ZNF408: variants seen among roughly 807,000 people sequenced by gnomAD.
ZNF408 encodes the protein zinc finger protein 408, also known as PR domain zinc finger protein 17.
Under a neutral mutation model 27.6 loss-of-function variants are expected in ZNF408, and 24 were observed. That is an observed-to-expected ratio of 0.87 (90% CI 0.63 to 1.22). ZNF408 has a LOEUF of 1.22. Among genes scored for constraint, ZNF408 ranks in the 50% most tolerant of loss-of-function variants. ZNF408 has a pLI of 0.00. For missense variants in ZNF408, 897 were observed against 949.0 expected (o/e 0.95, Z 0.72); for synonymous variants, 410 against 396.1 (o/e 1.04, Z -0.42).
chr11:46,703,763 TGTTG>T lies in ZNF408; in HGVS notation c.652+521_652+524del, dbSNP rs780692327. Reference sequence around the variant, plus strand: ...TTTGTTTTGTTGTTGTTGTTGTTGTTGTTGTTGTTTTTTTTTTTTTTTGAGATGG... The same window carrying T: ...TTTGTTTTGTTGTTGTTGTTGTTGTTTTGTTTTTTTTTTTTTTTGAGATGG... On this transcript the variant is annotated intron_variant, in intron 4 of 4. Transcript: ENST00000311764. 2.6e-3 allele frequency among the ~76,000 whole-genome samples: 227 copies of T among 85,692 alleles called. 6 individuals are homozygous for T. The highest frequency in any genetic ancestry group is 6.4e-3 in the East Asian group (15 of 2,328). The allele number at this position is 85,692 out of a possible 152,430, so 56.2% of individuals were successfully genotyped here.
At chr11:46,703,764 G>GTTTTTTTT (rs1276758688) in intron 4 of ZNF408, among the ~76,000 whole-genome samples, 3 of 75,486 alleles carry the variant, frequency 4.0e-5, no homozygotes, top group African/African-American at 1.0e-4. Flanking sequence ...TGTTGTTGTT[G>GTTTTTTTT]TTGTTGTTTT....
In ZNF408 at chr11:46,705,235, G is replaced by A. The variant is rs375760341; in HGVS notation, c.1535G>A (p.Arg512His). Residue 512 changes from arginine (R) to histidine (H), a missense_variant, in exon 5 of 5, where the codon CGT becomes CAT. Transcript: ENST00000311764. This position sits in a 1 kb window ranked among gnomAD's most constrained non-coding sequence, Gnocchi z 6.5. ...GRAFRQRGNL[R>H]GHLRLHTGER... ...GCGTTTCGTCAGCGGGGCAACCTGC[G>A]TGGGCATTTGCGGCTCCACACCGGG... 27 of 1,611,930 alleles carry A rather than the reference G, an allele frequency of 1.7e-5. No homozygotes were observed. The highest frequency in any genetic ancestry group is 1.6e-4 in the Middle Eastern group (1 of 6,084).
At chr11:46,701,843 T>C in intron 2 of ZNF408, 167 bp downstream of exon 2, 4 of 921,992 alleles carry the variant, frequency 4.3e-6, no homozygotes, top group South Asian at 4.9e-5. Context: ...AGTTAAAGAA[T>C]CGAGGTTTGA....
chr11:46,702,732 T>C lies in ZNF408; in HGVS notation c.359T>C (p.Val120Ala). Residue 120 changes from valine to alanine, a missense_variant, in exon 3 of 5, where the codon GTG (valine) becomes GCG (alanine). Coordinates refer to ENST00000311764, the MANE Select transcript of ZNF408 (RefSeq NM_024741.3). ...CTGTCATTAGGCCCATGGGGAGACG[T>C]GTGTGCCTGTGAGCAGAGTTCTGGC... is the stretch of plus-strand genomic sequence containing the variant. ...ENLSLGPWGD[V>A]CACEQSSGWT... is the part of the protein sequence containing the mutation. 1 of 1,614,148 alleles carries C rather than the reference T, an allele frequency of 6.2e-7. No individual in the cohort carries two copies.
rs779973655 is a variant in ZNF408, at chr11:46,705,166, T to A, written c.1466T>A (p.Leu489His). Residue 489 changes from leucine to histidine, a missense_variant, in exon 5 of 5, where the codon CTC becomes CAC. Transcript: ENST00000311764. The surrounding 1 kb of genome is among the most constrained non-coding windows in gnomAD (Gnocchi z 6.5). ...GGCTCCCTGCGGAACCATATGAGGCTCCATACAGGAGAAAAGCCTTTCCTG... is the reference window on the plus strand; with the variant it reads ...GGCTCCCTGCGGAACCATATGAGGCACCATACAGGAGAAAAGCCTTTCCTG... ...NQGSLRNHMRLHTGEKPFLCP... is the reference protein window; with the variant it reads ...NQGSLRNHMRHHTGEKPFLCP... 1 of 1,611,394 alleles carries A rather than the reference T, an allele frequency of 6.2e-7. No homozygotes were observed. Among genetic ancestry groups the A allele is most frequent in the South Asian group, 1.1e-5 (1 of 91,082 alleles).
chr11:46,702,875 C>T (rs2064719980), intron 3 of ZNF408, 109 bp from the exon 4 acceptor site: 17 of 1,595,006 alleles, frequency 1.1e-5, no homozygotes, highest in Non-Finnish European at 9.4e-6. Flanking sequence ...AGTGAATGTT[C>T]CAAAGGCACG....
In ZNF408 at chr11:46,701,634, C is replaced by G. The variant is rs1421731803; in HGVS notation, c.288C>G (p.Ala96=). The change falls in exon 2 of 5, where the codon GCC becomes GCG. Residue 96 remains alanine, a synonymous_variant. Transcript: ENST00000311764. ...GGGGGCCGCTGGAAGAGGAGTCTGC[C>G]TCCAAGGAGAAGGGCGAGGGAGTAA... ...LLWGPLEEES[A]SKEKGEGVKP... is the part of the protein sequence containing the mutation. 1 of 1,605,390 alleles carries G rather than the reference C, an allele frequency of 6.2e-7. No homozygotes were observed. Among genetic ancestry groups the G allele is most frequent in the East Asian group, 2.2e-5 (1 of 44,608 alleles).
At position 46,704,498 on chromosome 11, in the gene ZNF408, G is replaced by C; in HGVS notation, c.798G>C (p.Pro266=). 3 of 1,614,070 alleles carry C rather than the reference G, an allele frequency of 1.9e-6. No homozygotes were observed. Among genetic ancestry groups the C allele is most frequent in the Non-Finnish European group, 1.7e-6 (2 of 1,180,030 alleles). Residue 266 remains proline, a synonymous_variant, in exon 5 of 5, where the codon CCG becomes CCC. Transcript: ENST00000311764. ...ATGGCGACGTGGATGAGGAATGCCC[G>C]GCCCAGGCACAGATGCCACCTGAAC... The part of the protein sequence containing the change: ...LQDGDVDEEC[P]AQAQMPPELQ...
In ZNF408 at chr11:46,705,116, G is replaced by A; in HGVS notation, c.1416G>A (p.Val472=). 12 of 1,611,812 alleles carry A rather than the reference G, an allele frequency of 7.4e-6. No individual in the cohort carries two copies. Among genetic ancestry groups the A allele is most frequent in the Non-Finnish European group, 1.0e-5 (12 of 1,179,928 alleles). ...PAAPAPCPCP[V]CGRPLANQGS... ...CCCCTGCCCCTTGCCCATGCCCTGT[G>A]TGTGGGCGGCCCCTGGCCAACCAGG... Residue 472 remains valine (V), a synonymous_variant, in exon 5 of 5, where the codon GTG becomes GTA. Coordinates refer to ENST00000311764, the MANE Select transcript of ZNF408 (RefSeq NM_024741.3). This position sits in a 1 kb window ranked among gnomAD's most constrained non-coding sequence, Gnocchi z 6.5.
intron 2 of ZNF408, 139 bp downstream of exon 2, chr11:46,701,815 T>C (rs567916736): frequency 5.4e-6 from 6 of 1,103,698 alleles, no homozygotes; most frequent in African/African-American, 3.2e-5. Context: ...TTCAGGACTG[T>C]CTCCTCTCAG....
At chr11:46,703,914 T>C (rs1444507755) in intron 4 of ZNF408, among the ~76,000 whole-genome samples, 1 of 151,790 alleles carries the variant, frequency 6.6e-6, no homozygotes, top group Non-Finnish European at 1.5e-5. Flanking sequence ...GCATTTTTAG[T>C]AGAGATGGGG....
At position 46,703,014 on chromosome 11, in the gene ZNF408, G is replaced by A; in HGVS notation, c.423G>A (p.Glu141=). The A allele has an allele frequency of 6.2e-7, 1 of 1,614,044 alleles. No homozygotes were observed. Among genetic ancestry groups the A allele is most frequent in the African/African-American group, 1.3e-5 (1 of 75,062 alleles). Residue 141 remains glutamate, a synonymous_variant, in exon 4 of 5, where the codon GAG becomes GAA. Transcript: ENST00000311764. The stretch of plus-strand genomic sequence containing the variant: ...TACAACGGGGCAGGCTGGAGAGTGA[G>A]GGAAATGTGGCCCCAGTGCGGATCA... ...SLVQRGRLES[E]GNVAPVRISE...
intron 2 of ZNF408, among the ~76,000 whole-genome samples, 190 bp from the exon 3 acceptor site, chr11:46,702,514 G>C (rs2064717116): frequency 6.6e-6 from 1 of 152,256 alleles, no homozygotes; most frequent in Non-Finnish European, 1.5e-5. Flanking sequence ...GAGGTGAGGA[G>C]ACAGACTTTT....
chr11:46,701,436 C>A lies in ZNF408; in HGVS notation c.90C>A (p.Asn30Lys). ...EPRLGLDLGW[N>K]PSGEGCTQGL... ...GCCTGGGCCTGGACTTAGGATGGAA[C>A]CCTTCCGGAGAAGGCTGTACGCAGG... Residue 30 changes from asparagine to lysine, a missense_variant, in exon 2 of 5, where the codon AAC becomes AAA. Physicochemically the swap from Asn to Lys is moderately conservative, Grantham distance 94. Coordinates refer to ENST00000311764, the MANE Select transcript of ZNF408 (RefSeq NM_024741.3). 1 of 1,614,034 alleles carries A rather than the reference C, an allele frequency of 6.2e-7. No individual in the cohort carries two copies. Among genetic ancestry groups the A allele is most frequent in the South Asian group, 1.1e-5 (1 of 91,082 alleles).
In ZNF408 at chr11:46,701,519, C is replaced by A; in HGVS notation, c.173C>A (p.Pro58His). The change falls in exon 2 of 5, where the codon CCC (proline) becomes CAC (histidine). Residue 58 changes from proline (P) to histidine (H), a missense_variant. By Grantham distance (77) the Pro-to-His change is moderately conservative. Coordinates refer to ENST00000311764, the MANE Select transcript of ZNF408 (RefSeq NM_024741.3). The stretch of plus-strand genomic sequence containing the variant: ...GACATCCTCGCTTTAAAGAGCCTTC[C>A]CCGGGGCTTGGCCCTTGGCCCCTCA... Reference protein sequence around the residue: ...TRDILALKSLPRGLALGPSLA... With the variant: ...TRDILALKSLHRGLALGPSLA... 1 of 1,613,988 alleles carries A rather than the reference C, an allele frequency of 6.2e-7. No homozygotes were observed. Among genetic ancestry groups the A allele is most frequent in the Non-Finnish European group, 8.5e-7 (1 of 1,180,026 alleles).
chr11:46,704,588 CA>C lies in ZNF408; in HGVS notation c.889del (p.Arg297GlyfsTer72). 1 of 1,613,748 alleles carries C rather than the reference CA, an allele frequency of 6.2e-7. No individual in the cohort carries two copies. Among genetic ancestry groups the C allele is most frequent in the Non-Finnish European group, 8.5e-7 (1 of 1,179,924 alleles). On this transcript the variant is annotated frameshift_variant, in exon 5 of 5. Transcript: ENST00000311764. LOFTEE classifies it low-confidence loss of function (END_TRUNC). ...GTGGAGCCAGTTTCTCATCTTCTGC[CA>C]GGGGCACCCAGCCGCATGGCTACCT... ...GSGASFSSSA[R>X]GTQPHGYLAK...
Position 46,701,513 on chromosome 11 carries a change from G to A in ZNF408, c.167G>A (p.Ser56Asn). Residue 56 changes from serine to asparagine, a missense_variant, in exon 2 of 5, where the codon AGC becomes AAC. Transcript: ENST00000311764. ...ACCCGAGACATCCTCGCTTTAAAGAGCCTTCCCCGGGGCTTGGCCCTTGGC... is the reference window on the plus strand; with the variant it reads ...ACCCGAGACATCCTCGCTTTAAAGAACCTTCCCCGGGGCTTGGCCCTTGGC... Reference protein sequence around the residue: ...EPTRDILALKSLPRGLALGPS... With the variant: ...EPTRDILALKNLPRGLALGPS... 1.2e-6 allele frequency: 2 copies of A among 1,613,986 alleles called. No homozygotes were observed. The highest frequency in any genetic ancestry group is 1.7e-6 in the Non-Finnish European group (2 of 1,180,026).
At position 46,701,693 on chromosome 11, in the gene ZNF408, C is replaced by T. The variant is rs778070944; in HGVS notation, c.330+17C>T. 6 of 1,529,090 alleles carry T rather than the reference C, an allele frequency of 3.9e-6. No individual in the cohort carries two copies. The highest frequency in any genetic ancestry group is 5.3e-6 in the Non-Finnish European group (6 of 1,133,874). The allele number at this position is 1,529,090 out of a possible 1,614,324, so 94.7% of individuals were successfully genotyped here. A position where few individuals can be genotyped will look rare whatever the true frequency, so the allele number is the denominator to read the frequency against. On this transcript the variant is annotated intron_variant, in intron 2 of 4. Coordinates refer to ENST00000311764, the MANE Select transcript of ZNF408 (RefSeq NM_024741.3). ...CAGGAGGAGGTATTGAAGGATAGAG[C>T]GACTTCCCTCCGCCCTTGAAAATGT... is the stretch of plus-strand genomic sequence containing the variant.
chr11:46,703,755 G>GTTTTTTTT (rs1214759940), intron 4 of ZNF408, among the ~76,000 whole-genome samples: 1 of 110,194 alleles, frequency 9.1e-6, no homozygotes, highest in African/African-American at 4.1e-5. Context: ...TGTTGTTGTT[G>GTTTTTTTT]TTGTTGTTGT....
Sources: allele counts gnomAD v4.1 joint callset (sites outside exome capture counted in the v4.1 genomes callset), GRCh38; gene constraint gnomAD v4.1.1; non-coding constraint Gnocchi (gnomAD v3.1); transcripts MANE v1.5; gene names NCBI Gene and HGNC (gene_info 2026-07-23, HGNC 2026-07-21).